EPAS1: variants seen among roughly 807,000 people sequenced by gnomAD.
EPAS1 encodes the protein endothelial PAS domain protein 1.
EPAS1 carries 23 observed loss-of-function variants against 87.9 expected under a neutral mutation model. The ratio of observed to expected loss-of-function variants is 0.26; its 90% confidence interval spans 0.19 to 0.37. The LOEUF is 0.37. EPAS1 is among the 10% of genes least tolerant of loss of function. EPAS1 has a pLI of 1.00. For missense variants in EPAS1, 1,138 were observed against 1,120.7 expected, an observed-to-expected ratio of 1.02 and a Z score of -0.22; for synonymous variants, 508 against 444.3, an observed-to-expected ratio of 1.14 and a Z score of -1.80.
In EPAS1 at chr2:46,358,713, C is replaced by CA. The variant is rs1378370318; in HGVS notation, c.454+1906dup. ...GTAGAACTTTAGATCTCTTGATCTG[C>CA]ATATTGAGGACTTGGGATCAGTCAA... On this transcript the variant is annotated intron_variant, in intron 4 of 15. Transcript: ENST00000263734. 3.3e-5 allele frequency among the ~76,000 whole-genome samples: 5 copies of CA among 152,224 alleles called. 1 individual carries two copies. The South Asian group carries it at 1.0e-3, about 31-fold the overall frequency.
At chr2:46,343,173 C>T (rs1683945065) in intron 1 of EPAS1, among the ~76,000 whole-genome samples, 1 of 152,182 alleles carries the variant, frequency 6.6e-6, no homozygotes, top group South Asian at 2.1e-4. Flanking sequence ...CTGCTAAGGC[C>T]CACAGCACTT....
At chr2:46,328,037 C>T (rs868602069) in intron 1 of EPAS1, among the ~76,000 whole-genome samples, 1 of 152,222 alleles carries the variant, frequency 6.6e-6, no homozygotes, top group Admixed American at 6.5e-5. Flanking sequence ...AACTTGGCAA[C>T]AGCCTCAAAT....
intron 2 of EPAS1, 61 bp from the exon 3 acceptor site, chr2:46,356,090 C>A: frequency 1.3e-6 from 2 of 1,539,902 alleles, no homozygotes; most frequent in Non-Finnish European, 1.8e-6. Flanking sequence ...CCTATCTGTG[C>A]CAGTCCCATC....
In EPAS1 at chr2:46,382,350, G is replaced by A. The variant is rs947698148; in HGVS notation, c.2288-75G>A. The A allele has an allele frequency of 8.9e-6, 14 of 1,577,244 alleles. 1 individual carries two copies. The Admixed American group carries it at 1.2e-4, about 13-fold the overall frequency. ...CTCTGAGCACCTTTTATAAAGGAAA[G>A]GGATGCTAGGGCTTCCTGGCCTCTC... On this transcript the variant is annotated intron_variant, in intron 14 of 15. Coordinates refer to ENST00000263734, the MANE Select transcript of EPAS1 (RefSeq NM_001430.5).
intron 1 of EPAS1, among the ~76,000 whole-genome samples, chr2:46,321,305 T>G (rs1307792381): frequency 1.3e-5 from 2 of 152,254 alleles, no homozygotes; most frequent in Non-Finnish European, 2.9e-5. Flanking sequence ...TTGAGTTGTT[T>G]CCACCTTTGG....
intron 1 of EPAS1, among the ~76,000 whole-genome samples, chr2:46,323,717 A>G (rs1683498410): frequency 6.6e-6 from 1 of 152,368 alleles, no homozygotes; most frequent in Admixed American, 6.5e-5. Context: ...GACCAAACTC[A>G]TCAAGAAAGT....
intron 1 of EPAS1, among the ~76,000 whole-genome samples, chr2:46,340,410 C>G (rs1683888332): frequency 6.6e-6 from 1 of 152,190 alleles, no homozygotes; most frequent in Admixed American, 6.5e-5. Flanking sequence ...GGTTGGGAGG[C>G]TGAGGTATGA....
chr2:46,365,726 G>A (rs1040411156), intron 6 of EPAS1, among the ~76,000 whole-genome samples: 2 of 152,204 alleles, frequency 1.3e-5, no homozygotes, highest in Non-Finnish European at 2.9e-5. Flanking sequence ...ACAAAATCTA[G>A]ATGAAAATAT....
intron 1 of EPAS1, among the ~76,000 whole-genome samples, chr2:46,327,544 TTTAAA>T (rs1438185550): frequency 6.6e-6 from 1 of 152,140 alleles, no homozygotes; most frequent in East Asian, 1.9e-4. Context: ...GCCATTAATA[TTTAAA>T]TTAAAGTTGA....
At position 46,356,813 on chromosome 2, in the gene EPAS1, C is replaced by T. The variant is rs1441462535; in HGVS notation, c.454+5C>T. 1.9e-6 allele frequency: 3 copies of T among 1,607,886 alleles called. No individual in the cohort carries two copies. The African/African-American group carries it at 4.0e-5, about 21-fold the overall frequency. On this transcript the variant is annotated splice_donor_5th_base_variant and intron_variant, in intron 4 of 15. Coordinates refer to ENST00000263734, the MANE Select transcript of EPAS1 (RefSeq NM_001430.5). ...AGAACCTGAGTCTCAAAAATGGTAT[C>T]CTTAATTGTGTTTACTTCCTTCTTG...
rs1290635791 is a variant in EPAS1 at position 46,384,974 on chromosome 2, C to T, written c.*314C>T. Reference sequence around the variant, plus strand: ...GGTTTCTCTCCCTCCTTCTCCTTCTCACACACAACTGTCCATACTAACAAG... The same window carrying T: ...GGTTTCTCTCCCTCCTTCTCCTTCTTACACACAACTGTCCATACTAACAAG... On this transcript the variant is annotated 3_prime_UTR_variant, in exon 16 of 16. Coordinates refer to ENST00000263734, the MANE Select transcript of EPAS1 (RefSeq NM_001430.5). 2.5e-6 allele frequency: 1 copy of T among 401,208 alleles called. No individual in the cohort carries two copies. The highest frequency in any genetic ancestry group is 2.0e-5 in the African/African-American group (1 of 48,812). 24.9% of individuals were successfully genotyped at this position (401,208 alleles called of 1,614,324 possible).
At position 46,380,118 on chromosome 2, in the gene EPAS1, A is replaced by G. The variant is rs1572648846; in HGVS notation, c.1555-109A>G. 6.3e-7 allele frequency: 1 copy of G among 1,576,242 alleles called. No homozygotes were observed. Among genetic ancestry groups the G allele is most frequent in the Non-Finnish European group, 8.6e-7 (1 of 1,159,826 alleles). On this transcript the variant is annotated intron_variant, in intron 11 of 15. Coordinates refer to ENST00000263734, the MANE Select transcript of EPAS1 (RefSeq NM_001430.5). This position sits in a 1 kb window ranked among gnomAD's most constrained non-coding sequence, Gnocchi z 4.4. ...GAGCCAGTGGAGGCGTTTGAGCAGC[A>G]CTGTGAAACAGTGCTTGAGATGAAT...
Position 46,356,140 on chromosome 2 carries a change from C to CA in EPAS1, c.218-11_218-10insA, listed in dbSNP as rs142684263. On this transcript the variant is annotated splice_polypyrimidine_tract_variant and intron_variant, in intron 2 of 15. Transcript: ENST00000263734. Reference sequence around the variant, plus strand: ...ATTCATGCAAGCTGTCCCACCCCCCCCCCTTTCCAGTTTGCTCTGAAAACG... The same window carrying CA: ...ATTCATGCAAGCTGTCCCACCCCCCCACCCTTTCCAGTTTGCTCTGAAAACG... 40 of 1,363,934 alleles carry CA rather than the reference C, an allele frequency of 2.9e-5. 1 individual carries two copies. Among genetic ancestry groups the CA allele is most frequent in the Non-Finnish European group, 3.5e-5 (34 of 960,584 alleles). 84.5% of individuals were successfully genotyped at this position (1,363,934 alleles called of 1,614,324 possible).
intron 1 of EPAS1, chr2:46,335,972 G>T (rs1244308754): frequency 6.6e-6 from 1 of 152,228 alleles, no homozygotes; most frequent in East Asian, 1.9e-4. Context: ...TGTTCACGCT[G>T]CAGGAGGAAA....
Position 46,374,156 on chromosome 2 carries a change from A to G in EPAS1, c.887-1534A>G, listed in dbSNP as rs143216760. ...TAAATTGTGAAGAAGAAAGCAAAAC[A>G]TAAGTGTAAAGGATTACCAAACTGC... On this transcript the variant is annotated intron_variant, in intron 7 of 15. Transcript: ENST00000263734. 5.9e-5 allele frequency among the ~76,000 whole-genome samples: 9 copies of G among 152,360 alleles called. No individual in the cohort carries two copies. The East Asian group carries it at 9.6e-4, about 16-fold the overall frequency.
At chr2:46,339,688 C>T (rs1251671694) in intron 1 of EPAS1, among the ~76,000 whole-genome samples, 1 of 152,220 alleles carries the variant, frequency 6.6e-6, no homozygotes, top group Non-Finnish European at 1.5e-5. Flanking sequence ...CCCATTTGGG[C>T]AGCTACAACA....
chr2:46,368,279 T>A (rs1572642408), intron 6 of EPAS1, among the ~76,000 whole-genome samples: 1 of 151,978 alleles, frequency 6.6e-6, no homozygotes, highest in East Asian at 1.9e-4. Context: ...GTCCTGGAGG[T>A]GTCAGGGCTT....
At chr2:46,319,588 AT>A in intron 1 of EPAS1, among the ~76,000 whole-genome samples, 1 of 152,310 alleles carries the variant, frequency 6.6e-6, no homozygotes, top group African/African-American at 2.4e-5. Flanking sequence ...GAAATTGTAT[AT>A]TTTTAAGGCT....
intron 2 of EPAS1, among the ~76,000 whole-genome samples, chr2:46,349,866 T>A (rs967214744): frequency 6.6e-6 from 1 of 152,228 alleles, no homozygotes; most frequent in African/African-American, 2.4e-5. Flanking sequence ...AGTACGGGAT[T>A]TGTGGGCAGA....
Sources: gnomAD v4.1 joint callset for allele counts (sites outside exome capture counted in the v4.1 genomes callset) on GRCh38, gnomAD v4.1.1 for gene constraint, Gnocchi (gnomAD v3.1) non-coding constraint, MANE v1.5 for transcripts, NCBI Gene and HGNC (gene_info 2026-07-23, HGNC 2026-07-21) for gene names.